SBF2: variants seen among roughly 807,000 people sequenced by gnomAD.
The protein encoded by SBF2 is SET binding factor 2, also known as myotubularin-related protein 13.
A neutral mutation model predicts 225.2 loss-of-function variants in SBF2; 112 were observed. That is an observed-to-expected ratio of 0.50 (90% CI 0.43 to 0.58). SBF2 has a LOEUF of 0.58. Among genes scored for constraint, SBF2 ranks in the 20% least tolerant of loss-of-function variants. SBF2 has a pLI of 0.00. For missense variants in SBF2, 1,996 were observed against 2,206.2 expected (o/e 0.90, Z 1.91); for synonymous variants, 763 against 773.3 (o/e 0.99, Z 0.22).
At chr11:9,827,775 T>C (rs1460381625) in intron 28 of SBF2, among the ~76,000 whole-genome samples, 3 of 152,210 alleles carry the variant, frequency 2.0e-5, no homozygotes, top group Admixed American at 6.5e-5. Flanking sequence ...CTGGAATCAC[T>C]TCTCCTTAAC....
intron 34 of SBF2, among the ~76,000 whole-genome samples, chr11:9,789,642 T>C (rs996541940): frequency 1.3e-5 from 2 of 152,246 alleles, no homozygotes; most frequent in South Asian, 2.1e-4. Flanking sequence ...CTGGAGGAGC[T>C]GGCCCCAGCC....
intron 32 of SBF2, among the ~76,000 whole-genome samples, chr11:9,802,907 T>C (rs1270902374): frequency 3.3e-5 from 5 of 152,216 alleles, no homozygotes; most frequent in Admixed American, 3.3e-4. Context: ...ATGCTTTACT[T>C]ACTGCAATTA....
At chr11:10,089,571 G>A (rs1234292998) in intron 2 of SBF2, among the ~76,000 whole-genome samples, 4 of 152,002 alleles carry the variant, frequency 2.6e-5, no homozygotes, top group Admixed American at 2.6e-4. Context: ...GATACCCAGA[G>A]TACTTTATTT....
At chr11:9,896,081 A>C in intron 16 of SBF2, 70 bp from the exon 17 acceptor site, 2 of 1,161,624 alleles carry the variant, frequency 1.7e-6, no homozygotes, top group Non-Finnish European at 2.6e-6. Flanking sequence ...GCGAACTAAC[A>C]TCTGGGATAC....
At chr11:9,910,513 C>T (rs1862512105) in intron 16 of SBF2, among the ~76,000 whole-genome samples, 1 of 151,998 alleles carries the variant, frequency 6.6e-6, no homozygotes, top group African/African-American at 2.4e-5. Flanking sequence ...GCAAGTCCTT[C>T]AGTAGGTATT....
chr11:10,162,636 A>C lies in SBF2; in HGVS notation c.141+31266T>G, dbSNP rs12577717. 6.0e-4 allele frequency among the ~76,000 whole-genome samples: 92 copies of C among 152,358 alleles called. No homozygotes were observed. In the East Asian group the frequency reaches 0.015, roughly 25 times the overall value. On this transcript the variant is annotated intron_variant, in intron 2 of 39. Coordinates refer to ENST00000256190, the MANE Select transcript of SBF2 (RefSeq NM_030962.4). ...CACAAGTTTTGGCAGTCAAATTATCAGAACCAAATTACCAGTACTCCGTCA... is the reference window on the plus strand; with the variant it reads ...CACAAGTTTTGGCAGTCAAATTATCCGAACCAAATTACCAGTACTCCGTCA...
chr11:10,094,474 T>C (rs879922208), intron 2 of SBF2, among the ~76,000 whole-genome samples: 1 of 150,926 alleles, frequency 6.6e-6, no homozygotes, highest in Non-Finnish European at 1.5e-5. Flanking sequence ...AGTCTGTGGG[T>C]ATGTGACTAC....
chr11:10,073,229 C>G (rs1404993677), intron 2 of SBF2, among the ~76,000 whole-genome samples: 1 of 152,068 alleles, frequency 6.6e-6, no homozygotes, highest in Non-Finnish European at 1.5e-5. Context: ...ATAAAGTAAG[C>G]TTTTACTTAC....
At position 10,064,987 on chromosome 11, in the gene SBF2, A is replaced by C. The variant is rs181069060; in HGVS notation, c.142-22006T>G. Among the ~76,000 whole-genome samples, 71 of 152,352 alleles carry C rather than the reference A, an allele frequency of 4.7e-4. No homozygotes were observed. The East Asian group carries it at 0.012, about 26-fold the overall frequency. On this transcript the variant is annotated intron_variant, in intron 2 of 39. Coordinates refer to ENST00000256190, the MANE Select transcript of SBF2 (RefSeq NM_030962.4). ...CAGAATATGCATTCTTCTCAAGTAC[A>C]TCTGAATTAGTTGCCAAACCAGACC...
intron 2 of SBF2, among the ~76,000 whole-genome samples, chr11:10,062,782 A>T (rs1210476000): frequency 6.6e-6 from 1 of 152,196 alleles, no homozygotes; most frequent in African/African-American, 2.4e-5. Flanking sequence ...CAGTACGGTG[A>T]TTCCTCAAAG....
rs144023364 is a variant in SBF2 at position 9,916,534 on chromosome 11, G to A, written c.1861-20523C>T. On this transcript the variant is annotated intron_variant, in intron 16 of 39. Transcript: ENST00000256190. ...AGGTGGTCAGGATAGTAACATGAAAGCGGCCTTGGAAATACTAAGAAACAA... is the reference window on the plus strand; with the variant it reads ...AGGTGGTCAGGATAGTAACATGAAAACGGCCTTGGAAATACTAAGAAACAA... Among the ~76,000 whole-genome samples the A allele has an allele frequency of 4.6e-5, 7 of 152,098 alleles. No homozygotes were observed. The East Asian group carries it at 9.7e-4, about 21-fold the overall frequency.
intron 17 of SBF2, among the ~76,000 whole-genome samples, chr11:9,891,132 A>G (rs1308180602): frequency 6.6e-6 from 1 of 151,342 alleles, no homozygotes; most frequent in Non-Finnish European, 1.5e-5. Context: ...GCAAAACTCC[A>G]TCTCAAAAAA....
chr11:9,963,336 G>A (rs983259066), intron 15 of SBF2, among the ~76,000 whole-genome samples: 8 of 151,956 alleles, frequency 5.3e-5, no homozygotes, highest in South Asian at 2.1e-4. Context: ...GCAGTGGTGC[G>A]TGCCTGTAGT....
At chr11:10,255,501 G>C (rs910160607) in intron 1 of SBF2, among the ~76,000 whole-genome samples, 1 of 152,150 alleles carries the variant, frequency 6.6e-6, no homozygotes, top group Non-Finnish European at 1.5e-5. Flanking sequence ...AAGTAAATAA[G>C]TTACTGTCAG....
intron 3 of SBF2, among the ~76,000 whole-genome samples, chr11:10,042,339 T>C (rs1253288311): frequency 6.6e-6 from 1 of 152,146 alleles, no homozygotes; most frequent in African/African-American, 2.4e-5. Context: ...CCTCAACCAA[T>C]AGTCTGAAAG....
intron 9 of SBF2, among the ~76,000 whole-genome samples, chr11:9,995,053 A>AG (rs1947632548): frequency 6.9e-6 from 1 of 145,556 alleles, no homozygotes; most frequent in South Asian, 2.2e-4. Context: ...AAAAAAAAAA[A>AG]TAAAAATTAC....
chr11:10,148,208 G>A (rs1263484181), intron 2 of SBF2, among the ~76,000 whole-genome samples: 1 of 152,142 alleles, frequency 6.6e-6, no homozygotes, highest in Non-Finnish European at 1.5e-5. Flanking sequence ...ATTTGGGGGT[G>A]GCGGTGAGCA....
intron 2 of SBF2, among the ~76,000 whole-genome samples, chr11:10,126,746 A>G (rs1390011015): frequency 6.6e-6 from 1 of 152,164 alleles, no homozygotes; most frequent in East Asian, 1.9e-4. Context: ...TGCTTATGGC[A>G]GTACTAGTCA....
intron 6 of SBF2, among the ~76,000 whole-genome samples, chr11:10,005,436 G>A (rs574973257): frequency 6.6e-6 from 1 of 152,236 alleles, no homozygotes; most frequent in Non-Finnish European, 1.5e-5. Context: ...ATAAAATCCC[G>A]AGTCAAAGCT....
Sources: allele counts gnomAD v4.1 joint callset (sites outside exome capture counted in the v4.1 genomes callset), GRCh38; gene constraint gnomAD v4.1.1; transcripts MANE v1.5; gene names NCBI Gene and HGNC (gene_info 2026-07-23, HGNC 2026-07-21).